The following KLF8 variants were observed in gnomAD, a reference collection of about 807,000 sequenced individuals.
KLF8 encodes the protein KLF transcription factor 8, also known as Krueppel-like factor 8.
KLF8 carries 10 observed loss-of-function variants against 18.2 expected under a neutral mutation model. That is an observed-to-expected ratio of 0.55 (90% CI 0.34 to 0.93). The LOEUF (loss-of-function observed/expected upper bound fraction) is 0.93, where lower values mean the gene tolerates loss of function less well. KLF8 is among the 40% of genes least tolerant of loss of function. The pLI, the probability that KLF8 is intolerant of heterozygous loss-of-function variation, is 0.02. For missense variants in KLF8, 264 were observed against 277.9 expected, an observed-to-expected ratio of 0.95 and a Z score of 0.36; for synonymous variants, 109 against 97.3, an observed-to-expected ratio of 1.12 and a Z score of -0.71.
the KLF8 span, among the ~76,000 whole-genome samples, chrX:56,160,626 C>T: frequency 9.0e-6 from 1 of 111,315 alleles, no homozygotes; most frequent in Non-Finnish European, 1.9e-5. Context: ...TTGAGTTGAT[C>T]CCTTTACCAT....
At chrX:56,213,309 CT>C in the KLF8 span, among the ~76,000 whole-genome samples, 4 of 23,475 alleles carry the variant, frequency 1.7e-4, no homozygotes, top group African/African-American at 2.0e-4. Context: ...CTTTTCTTTT[CT>C]TTTCTTTTTT....
the KLF8 span, among the ~76,000 whole-genome samples, chrX:56,080,908 A>G: frequency 9.1e-6 from 1 of 110,313 alleles, no homozygotes; most frequent in East Asian, 2.8e-4. Flanking sequence ...TTCATCTTCC[A>G]TCACTGATAC....
At chrX:56,122,622 A>T in the KLF8 span, among the ~76,000 whole-genome samples, 1 of 111,078 alleles carries the variant, frequency 9.0e-6, no homozygotes, top group Non-Finnish European at 1.9e-5. Flanking sequence ...AGGGGGAGAA[A>T]AATTGAGGTT....
At chrX:56,145,524 C>T in the KLF8 span, among the ~76,000 whole-genome samples, 7 of 111,975 alleles carry the variant, frequency 6.3e-5, no homozygotes, top group African/African-American at 1.9e-4. Context: ...TAGCACTATT[C>T]GCAATAACCA....
At chrX:56,169,455 T>G in the KLF8 span, among the ~76,000 whole-genome samples, 1 of 110,213 alleles carries the variant, frequency 9.1e-6, no homozygotes, top group Admixed American at 9.6e-5. Context: ...GGACCTGCCT[T>G]GGGCCAGAGT....
the KLF8 span, among the ~76,000 whole-genome samples, chrX:56,106,402 G>C: frequency 8.9e-6 from 1 of 111,778 alleles, no homozygotes; most frequent in Non-Finnish European, 1.9e-5. Context: ...TTTCTTGAAG[G>C]CTTTGTTCAT....
At chrX:56,265,864 CT>C in intron 3 of KLF8, 120 bp downstream of exon 3, 3 of 1,076,442 alleles carry the variant, frequency 2.8e-6, no homozygotes, top group Non-Finnish European at 3.6e-6. Context: ...CAAGAGTAAT[CT>C]TTCAAAAGTA....
chrX:55,985,060 C>T, the KLF8 span, among the ~76,000 whole-genome samples: 1 of 109,078 alleles, frequency 9.2e-6, no homozygotes, highest in Non-Finnish European at 1.9e-5. Context: ...AAATTGTTTT[C>T]CCATACTGTA....
In KLF8 at chrX:56,286,460, C is replaced by G. The variant is rs2067269546; in HGVS notation, c.*1966C>G. 8.9e-6 allele frequency: 1 copy of G among 112,178 alleles called. No individual in the cohort carries two copies. Among genetic ancestry groups the G allele is most frequent in the Non-Finnish European group, 1.9e-5 (1 of 53,270 alleles). The allele number at this position is 112,178 out of a possible 1,213,427, so 9.2% of individuals were successfully genotyped here. ...GAGTCACCACACCTGGCCAGGATCA[C>G]ATTATTAAACCAAATTAAAGTTTAT... is the stretch of plus-strand genomic sequence containing the variant. On this transcript the variant is annotated 3_prime_UTR_variant, in exon 6 of 6. Transcript: ENST00000468660.
chrX:56,192,128 G>A, the KLF8 span, among the ~76,000 whole-genome samples: 2 of 111,933 alleles, frequency 1.8e-5, no homozygotes, highest in South Asian at 3.7e-4. Flanking sequence ...CAGTAAAGTT[G>A]CAGGATAAAA....
chrX:55,978,940 T>C, the KLF8 span, among the ~76,000 whole-genome samples: 496 of 111,841 alleles, frequency 4.4e-3, 1 homozygote, highest in African/African-American at 0.015. Context: ...TTTGGATCTG[T>C]CTTAAAAGAT....
At chrX:56,139,478 G>C in the KLF8 span, among the ~76,000 whole-genome samples, 1 of 111,537 alleles carries the variant, frequency 9.0e-6, no homozygotes, top group Non-Finnish European at 1.9e-5. Context: ...GAACAGAATG[G>C]AGAACCCAGA....
chrX:56,068,300 TG>T, the KLF8 span, among the ~76,000 whole-genome samples: 1 of 109,833 alleles, frequency 9.1e-6, no homozygotes, highest in Non-Finnish European at 1.9e-5. Flanking sequence ...GGAAGCCAGG[TG>T]GGCAACACCT....
the KLF8 span, among the ~76,000 whole-genome samples, chrX:55,952,636 C>T: frequency 8.9e-6 from 1 of 111,872 alleles, no homozygotes; most frequent in Non-Finnish European, 1.9e-5. Flanking sequence ...GCAATTTCAC[C>T]TTTCTTAATC....
At chrX:56,132,727 C>G in the KLF8 span, among the ~76,000 whole-genome samples, 2 of 111,194 alleles carry the variant, frequency 1.8e-5, no homozygotes, top group African/African-American at 6.5e-5. Flanking sequence ...AAACAAAAAG[C>G]TGGTTATTTG....
At chrX:55,946,747 C>T in the KLF8 span, among the ~76,000 whole-genome samples, 1 of 110,746 alleles carries the variant, frequency 9.0e-6, no homozygotes, top group Non-Finnish European at 1.9e-5. Context: ...TCTGACAAAG[C>T]GCTAATATCC....
the KLF8 span, among the ~76,000 whole-genome samples, chrX:56,000,534 T>C: frequency 9.3e-6 from 1 of 107,372 alleles, no homozygotes; most frequent in Non-Finnish European, 1.9e-5. Context: ...TTATTATTGG[T>C]CTATGCAAGA....
the KLF8 span, among the ~76,000 whole-genome samples, chrX:56,181,887 C>G: frequency 1.7e-3 from 185 of 109,611 alleles, no homozygotes; most frequent in Non-Finnish European, 2.6e-3. Flanking sequence ...TCTGGCTGCC[C>G]TTAACATTTT....
chrX:55,949,293 C>A, the KLF8 span, among the ~76,000 whole-genome samples: 1 of 108,065 alleles, frequency 9.3e-6, no homozygotes, highest in African/African-American at 3.3e-5. Context: ...CTTGGTAAAC[C>A]TATGTGTTTT....
Sources: allele counts gnomAD v4.1 joint callset (sites outside exome capture counted in the v4.1 genomes callset), GRCh38; gene constraint gnomAD v4.1.1; transcripts MANE v1.5; gene names NCBI Gene and HGNC (gene_info 2026-07-23, HGNC 2026-07-21).